The following GPR78 variants were observed in gnomAD, a reference collection of about 807,000 sequenced individuals.
GPR78 encodes G protein-coupled receptor 78.
A neutral mutation model predicts 17.9 loss-of-function variants in GPR78; 29 were observed. The observed-to-expected ratio is 1.62, with a 90% CI of 1.20 to 2.21. The LOEUF (loss-of-function observed/expected upper bound fraction) is 2.21. Ranked by LOEUF, GPR78 falls within the 30% of genes most tolerant of loss-of-function variation. GPR78 has a pLI of 0.00. For missense variants in GPR78, 649 were observed against 530.5 expected, an observed-to-expected ratio of 1.22 and a Z score of -2.19; for synonymous variants, 349 against 256.9, an observed-to-expected ratio of 1.36 and a Z score of -3.43.
intron 2 of GPR78, among the ~76,000 whole-genome samples, chr4:8,585,933 G>C (rs1360869451): frequency 6.6e-6 from 1 of 152,192 alleles, no homozygotes; most frequent in Non-Finnish European, 1.5e-5. Flanking sequence ...TAAATCACAG[G>C]GCTGCAGTCC....
rs894945386 is a variant in GPR78, at chr4:8,589,273, G to A, written c.*1910G>A. Among the ~76,000 whole-genome samples, 12 of 152,000 alleles carry A rather than the reference G, an allele frequency of 7.9e-5. No individual in the cohort carries two copies. The highest frequency in any genetic ancestry group is 3.9e-4 in the East Asian group (2 of 5,190). ...TGTAATTCAAATAAAACAAATTATCGTTTGGAATAATAACAACTATAGGTA... is the reference window on the plus strand; with the variant it reads ...TGTAATTCAAATAAAACAAATTATCATTTGGAATAATAACAACTATAGGTA... On this transcript the variant is annotated 3_prime_UTR_variant, in exon 3 of 3. Transcript: ENST00000382487.
At chr4:8,583,972 CTG>C (rs1368074298) in intron 2 of GPR78, among the ~76,000 whole-genome samples, 6 of 152,222 alleles carry the variant, frequency 3.9e-5, no homozygotes, top group African/African-American at 1.2e-4. Flanking sequence ...GATGGGGAAA[CTG>C]TAGCATCCTT....
Position 8,581,286 on chromosome 4 carries a change from G to T in GPR78, c.304G>T (p.Ala102Ser), listed in dbSNP as rs1317676429. 2.5e-6 allele frequency: 4 copies of T among 1,587,206 alleles called. No individual in the cohort carries two copies. In the African/African-American group the frequency reaches 4.0e-5, roughly 16 times the overall value. ...NAALSVAALS[A>S]DQWLAVGFPL... Reference sequence around the variant, plus strand: ...GGCGCTGAGCGTGGCGGCGCTGAGCGCAGACCAGTGGCTGGCAGTGGGCTT... The same window carrying T: ...GGCGCTGAGCGTGGCGGCGCTGAGCTCAGACCAGTGGCTGGCAGTGGGCTT... The change falls in exon 1 of 3, where the codon GCA becomes TCA. Residue 102 changes from alanine (A) to serine (S), a missense_variant. Physicochemically the swap from Ala to Ser is moderately conservative, Grantham distance 99. Transcript: ENST00000382487.
intron 2 of GPR78, among the ~76,000 whole-genome samples, chr4:8,585,161 G>A (rs561078204): frequency 4.3e-4 from 65 of 152,306 alleles, no homozygotes; most frequent in African/African-American, 1.5e-3. Flanking sequence ...CCTCCCTTGT[G>A]GAGTCTGTGG....
In GPR78 at chr4:8,588,483, G is replaced by A. The variant is rs774983740; in HGVS notation, c.*1120G>A. Among the ~76,000 whole-genome samples, 4 of 152,256 alleles carry A rather than the reference G, an allele frequency of 2.6e-5. No individual in the cohort carries two copies. Among genetic ancestry groups the A allele is most frequent in the Non-Finnish European group, 2.9e-5 (2 of 68,046 alleles). ...AGGTGCACAGTGCACACGGGCACCC[G>A]GTGGAGAGGTGTGTGTGTGAATGAG... On this transcript the variant is annotated 3_prime_UTR_variant, in exon 3 of 3. Transcript: ENST00000382487.
rs1713258348 is a variant in GPR78, at chr4:8,581,090, C to A, written c.108C>A (p.Leu36=). ...VLLCCAYSAE[L]RTRASGVLLV... is the part of the protein sequence containing the mutation. Reference sequence around the variant, plus strand: ...TTTGTTGCGCCTACAGCGCTGAGCTCCGCACTCGAGCCTCAGGCGTCCTCC... The same window carrying A: ...TTTGTTGCGCCTACAGCGCTGAGCTACGCACTCGAGCCTCAGGCGTCCTCC... The change falls in exon 1 of 3, where the codon CTC becomes CTA. Residue 36 remains leucine, a synonymous_variant. Coordinates refer to ENST00000382487, the MANE Select transcript of GPR78 (RefSeq NM_080819.5). The A allele has an allele frequency of 6.2e-7, 1 of 1,606,246 alleles. No individual in the cohort carries two copies.
At position 8,587,508 on chromosome 4, in the gene GPR78, G is replaced by C. The variant is rs1400214616; in HGVS notation, c.*145G>C. 2 of 825,148 alleles carry C rather than the reference G, an allele frequency of 2.4e-6. No homozygotes were observed. The highest frequency in any genetic ancestry group is 3.8e-6 in the Non-Finnish European group (2 of 530,026). The allele number at this position is 825,148 out of a possible 1,614,324, so 51.1% of individuals were successfully genotyped here. A position where few individuals can be genotyped will look rare whatever the true frequency, so the allele number is the denominator to read the frequency against. On this transcript the variant is annotated 3_prime_UTR_variant, in exon 3 of 3. Coordinates refer to ENST00000382487, the MANE Select transcript of GPR78 (RefSeq NM_080819.5). ...CTGAAGTACAGGAGGAGGAGGAGGA[G>C]AGGGCCGGATGTGGGTGTGGACAGC...
chr4:8,585,541 G>A (rs1713469523), intron 2 of GPR78, among the ~76,000 whole-genome samples: 2 of 152,164 alleles, frequency 1.3e-5, no homozygotes, highest in South Asian at 4.1e-4. Context: ...CCTGTATGTG[G>A]GGGTGACAGT....
rs567079827 is a variant in GPR78 at position 8,587,222 on chromosome 4, G to A, written c.951G>A (p.Pro317=). 8.7e-6 allele frequency: 14 copies of A among 1,606,798 alleles called. No individual in the cohort carries two copies. The East Asian group carries it at 8.9e-5, about 10-fold the overall frequency. Reference sequence around the variant, plus strand: ...TGCACCGGCTGCTGAAGAGAACCCCGCGCCCAGCATCCACCCATGACAGCT... The same window carrying A: ...TGCACCGGCTGCTGAAGAGAACCCCACGCCCAGCATCCACCCATGACAGCT... The part of the protein sequence containing the change: ...GMVHRLLKRT[P]RPASTHDSSL... Residue 317 remains proline (P), a synonymous_variant, in exon 3 of 3, where the codon CCG becomes CCA. Transcript: ENST00000382487.
rs1713654235 is a variant in GPR78 at position 8,589,380 on chromosome 4, G to T, written c.*2017G>T. On this transcript the variant is annotated 3_prime_UTR_variant, in exon 3 of 3. Coordinates refer to ENST00000382487, the MANE Select transcript of GPR78 (RefSeq NM_080819.5). ...CCCAGGGGTTCCAAGCAGGAGGTGG[G>T]GCAGGTGGGCGTCATGCCCTGATTC... Among the ~76,000 whole-genome samples the T allele has an allele frequency of 6.6e-6, 1 of 152,088 alleles. No individual in the cohort carries two copies. The highest frequency in any genetic ancestry group is 2.4e-5 in the African/African-American group (1 of 41,402).
At position 8,589,847 on chromosome 4, in the gene GPR78, C is replaced by T. The variant is rs983372778; in HGVS notation, c.*2484C>T. 5.9e-5 allele frequency among the ~76,000 whole-genome samples: 9 copies of T among 151,858 alleles called. No homozygotes were observed. The highest frequency in any genetic ancestry group is 1.5e-4 in the African/African-American group (6 of 41,310). On this transcript the variant is annotated 3_prime_UTR_variant, in exon 3 of 3. Transcript: ENST00000382487. ...AGCAGGCATCTTAGGGCATTCCCTC[C>T]GCACTTCTCTGCCAGCCCATGTGGC...
chr4:8,581,510 C>G lies in GPR78; in HGVS notation c.528C>G (p.Leu176=). ...RPRFAAFTAT[L]HAVGFVLPLA... Reference sequence around the variant, plus strand: ...GCTTCGCAGCCTTCACCGCCACGCTCCATGCCGTGGGCTTCGTGCTGCCGC... The same window carrying G: ...GCTTCGCAGCCTTCACCGCCACGCTGCATGCCGTGGGCTTCGTGCTGCCGC... The change falls in exon 1 of 3, where the codon CTC becomes CTG. Residue 176 remains leucine (L), a synonymous_variant. Transcript: ENST00000382487. 1.9e-6 allele frequency: 3 copies of G among 1,591,834 alleles called. No homozygotes were observed. The highest frequency in any genetic ancestry group is 2.5e-6 in the Non-Finnish European group (3 of 1,176,942).
At chr4:8,586,929 C>G in intron 2 of GPR78, 125 bp from the exon 3 acceptor site, 1 of 813,972 alleles carries the variant, frequency 1.2e-6, no homozygotes, top group Non-Finnish European at 2.0e-6. Flanking sequence ...TGCAGAGCCC[C>G]CTGGCTAGTG....
At position 8,580,836 on chromosome 4, in the gene GPR78, C is replaced by A. The variant is rs562963145; in HGVS notation, c.-147C>A. On this transcript the variant is annotated 5_prime_UTR_variant, in exon 1 of 3. Transcript: ENST00000382487. ...ACCCTGCACTTGCCGCCGCTTTCCT[C>A]GCGCTGCTCTGGACCTTGCTAGCCG... The A allele has an allele frequency of 1.3e-5, 10 of 786,710 alleles. No homozygotes were observed. The highest frequency in any genetic ancestry group is 1.9e-5 in the Non-Finnish European group (10 of 515,536). The allele number at this position is 786,710 out of a possible 1,614,324, so 48.7% of individuals were successfully genotyped here.
intron 2 of GPR78, chr4:8,583,133 A>G (rs1321206590): frequency 1.2e-5 from 2 of 160,912 alleles, no homozygotes; most frequent in African/African-American, 4.8e-5. Context: ...AGTCACAGGT[A>G]ATTTGGGAAA....
rs2109303421 is a variant in GPR78 at position 8,588,925 on chromosome 4, G to C, written c.*1562G>C. On this transcript the variant is annotated 3_prime_UTR_variant, in exon 3 of 3. Transcript: ENST00000382487. The stretch of plus-strand genomic sequence containing the variant: ...TCTGTTGCCTAGGCTAGAGTGCAGT[G>C]GTGCAATCTCAGCTCACTGCAGCCT... 6.6e-6 allele frequency among the ~76,000 whole-genome samples: 1 copy of C among 152,304 alleles called. No homozygotes were observed. Among genetic ancestry groups the C allele is most frequent in the East Asian group, 1.9e-4 (1 of 5,186 alleles).
At chr4:8,581,672 A>G in intron 1 of GPR78, 22 bp downstream of exon 1, 1 of 1,430,662 alleles carries the variant, frequency 7.0e-7, no homozygotes, top group Non-Finnish European at 9.1e-7. Context: ...GTGCATGCCG[A>G]CAGGCCCAGG....
At chr4:8,583,066 G>A (rs983916852) in intron 2 of GPR78, 3 of 178,592 alleles carry the variant, frequency 1.7e-5, no homozygotes, top group African/African-American at 4.7e-5. Context: ...TGTTCTCTTT[G>A]CTTCTCTCTT....
intron 2 of GPR78, among the ~76,000 whole-genome samples, chr4:8,585,632 T>C (rs994750021): frequency 1.3e-5 from 2 of 152,204 alleles, no homozygotes; most frequent in African/African-American, 4.8e-5. Context: ...CACCACAGCC[T>C]GGGGTAGGTG....
Sources: gnomAD v4.1 joint callset for allele counts (sites outside exome capture counted in the v4.1 genomes callset) on GRCh38, gnomAD v4.1.1 for gene constraint, MANE v1.5 for transcripts, NCBI Gene and HGNC (gene_info 2026-07-23, HGNC 2026-07-21) for gene names.